SV2A: variants seen among roughly 807,000 people sequenced by gnomAD.
The protein encoded by SV2A is solute carrier family 22 member B1.
In SV2A, 25 loss-of-function variants were observed where a neutral mutation model predicts 78.0. The observed-to-expected ratio is 0.32, with a 90% CI of 0.23 to 0.45. The LOEUF is 0.45. Among genes scored for constraint, SV2A ranks in the 20% least tolerant of loss-of-function variants. The probability of loss-of-function intolerance (pLI) is 1.00; values close to 1 mark genes in which losing one functional copy is unlikely to be tolerated. For missense variants in SV2A, 752 were observed against 971.5 expected, an observed-to-expected ratio of 0.77 and a Z score of 3.00; for synonymous variants, 355 against 384.7, an observed-to-expected ratio of 0.92 and a Z score of 0.90.
intron 1 of SV2A, among the ~76,000 whole-genome samples, chr1:149,915,897 ACACACACACACACACG>A (rs1223154004): frequency 1.3e-5 from 2 of 151,754 alleles, no homozygotes; most frequent in African/African-American, 2.4e-5. Context: ...TAAAACACAC[ACACACACACACACACG>A]CACACACACA....
chr1:149,907,369 T>C (rs1250234911), intron 10 of SV2A, among the ~76,000 whole-genome samples: 1 of 152,162 alleles, frequency 6.6e-6, no homozygotes, highest in African/African-American at 2.4e-5. Flanking sequence ...AAATACCCCT[T>C]TTATTGATTG....
intron 8 of SV2A, 80 bp downstream of exon 8, chr1:149,909,112 A>T: frequency 7.4e-7 from 1 of 1,353,358 alleles, no homozygotes. Flanking sequence ...TGTCCCCTGC[A>T]TCTCCATTCT....
chr1:149,909,593 G>A, intron 6 of SV2A, 22 bp from the exon 7 acceptor site: 2 of 1,601,822 alleles, frequency 1.2e-6, no homozygotes, highest in Non-Finnish European at 1.7e-6. Context: ...AGAAGGGGTG[G>A]GCAGTCACAC....
Position 149,905,038 on chromosome 1 carries a change from C to A in SV2A, c.2205G>T (p.Glu735Asp), listed in dbSNP as rs1488275602. ...TTCACTGCAGCACCTGCCCCCGGGTCTCAGGCAGCTTCAGGGCCAGAGAGC... is the reference window on the plus strand; with the variant it reads ...TTCACTGCAGCACCTGCCCCCGGGTATCAGGCAGCTTCAGGGCCAGAGAGC... ...LGSSLALKLP[E>D]TRGQVLQ is the part of the protein sequence containing the mutation. Residue 735 changes from glutamate (E) to aspartate (D), a missense_variant, in exon 13 of 13, where the codon GAG (glutamate) becomes GAT (aspartate). Physicochemically the swap from Glu to Asp is conservative, Grantham distance 45. Around this residue, in one of 7 missense-constraint regions of SV2A, gnomAD observed 186 missense variants for 274.6 expected, o/e 0.68. Transcript: ENST00000369146. 1.2e-6 allele frequency: 2 copies of A among 1,612,292 alleles called. No individual in the cohort carries two copies. Among genetic ancestry groups the A allele is most frequent in the Non-Finnish European group, 1.7e-6 (2 of 1,179,374 alleles).
chr1:149,910,080 G>A lies in SV2A; in HGVS notation c.1090-190C>T, dbSNP rs2092465968. 6.6e-6 allele frequency among the ~76,000 whole-genome samples: 1 copy of A among 152,174 alleles called. No individual in the cohort carries two copies. The highest frequency in any genetic ancestry group is 2.1e-4 in the South Asian group (1 of 4,826). ...TGAAAGAGCCCCAAGCTGAGGTATAGCAAGACAATCAGACTTGGGCAAGAG... is the reference window on the plus strand; with the variant it reads ...TGAAAGAGCCCCAAGCTGAGGTATAACAAGACAATCAGACTTGGGCAAGAG... On this transcript the variant is annotated intron_variant, in intron 5 of 12. Coordinates refer to ENST00000369146, the MANE Select transcript of SV2A (RefSeq NM_014849.5). This position sits in a 1 kb window ranked among gnomAD's most constrained non-coding sequence, Gnocchi z 4.2.
Position 149,904,975 on chromosome 1 carries a change from C to G in SV2A, c.*39G>C. The G allele has an allele frequency of 6.4e-7, 1 of 1,568,450 alleles. No homozygotes were observed. The highest frequency in any genetic ancestry group is 1.2e-5 in the South Asian group (1 of 84,738). On this transcript the variant is annotated 3_prime_UTR_variant, in exon 13 of 13. Coordinates refer to ENST00000369146, the MANE Select transcript of SV2A (RefSeq NM_014849.5). ...AGGGGAAGGAAGGAGTTGTTGGTCT[C>G]ACAGTGTGCCTGCCAATCCCAAAGC...
At chr1:149,917,319 G>GGCA (rs1553764687) in intron 1 of SV2A, among the ~76,000 whole-genome samples, 4 of 150,434 alleles carry the variant, frequency 2.7e-5, no homozygotes, top group African/African-American at 1.0e-4. Context: ...TGCACACTGA[G>GGCA]GCAGCATCCA....
Position 149,904,957 on chromosome 1 carries a change from G to A in SV2A, c.*57C>T. ...CAGGATGGCAGGGCAGGGAGGGGAA[G>A]GAAGGAGTTGTTGGTCTCACAGTGT... On this transcript the variant is annotated 3_prime_UTR_variant, in exon 13 of 13. Coordinates refer to ENST00000369146, the MANE Select transcript of SV2A (RefSeq NM_014849.5). 2 of 1,521,366 alleles carry A rather than the reference G, an allele frequency of 1.3e-6. No homozygotes were observed. The highest frequency in any genetic ancestry group is 1.3e-5 in the South Asian group (1 of 78,868). The allele number at this position is 1,521,366 out of a possible 1,614,324, so 94.2% of individuals were successfully genotyped here.
intron 10 of SV2A, 156 bp from the exon 11 acceptor site, chr1:149,907,012 C>T (rs1468506721): frequency 8.2e-6 from 12 of 1,463,522 alleles, no homozygotes; most frequent in Non-Finnish European, 9.9e-6. Context: ...ATAACATCAC[C>T]ATGGGAACTA....
intron 3 of SV2A, 32 bp from the exon 4 acceptor site, chr1:149,911,009 A>C (rs1333373387): frequency 6.2e-7 from 1 of 1,604,412 alleles, no homozygotes; most frequent in South Asian, 1.1e-5. Context: ...CAGCATTAGC[A>C]AATGGCCATA....
chr1:149,915,805 G>A (rs2092509029), intron 1 of SV2A, among the ~76,000 whole-genome samples: 1 of 152,162 alleles, frequency 6.6e-6, no homozygotes, highest in African/African-American at 2.4e-5. Flanking sequence ...AGGAGCAGAG[G>A]AAGCAGGCCT....
Position 149,909,463 on chromosome 1 carries a change from GC to G in SV2A, c.1287del (p.Gln430ArgfsTer19). 1 of 1,609,274 alleles carries G rather than the reference GC, an allele frequency of 6.2e-7. No individual in the cohort carries two copies. Among genetic ancestry groups the G allele is most frequent in the Non-Finnish European group, 8.5e-7 (1 of 1,177,508 alleles). On this transcript the variant is annotated frameshift_variant, in exon 7 of 13. Coordinates refer to ENST00000369146, the MANE Select transcript of SV2A (RefSeq NM_014849.5). LOFTEE classifies it high-confidence loss of function. ...TCTACCACCCCGTCCACCATTACCT[GC>G]CCCCCTAGGCTCAAGGCCCGGACCC... ...RWGVRALSLGGQVWGNFLSCF... is the reference protein window; with the variant it reads ...RWGVRALSLGXQVWGNFLSCF...
Position 149,906,700 on chromosome 1 carries a change from T to C in SV2A, c.1835A>G (p.Asn612Ser). ...FLGTLAVLPG[N>S]IVSALLMDKI... ...GTCCATGAGCAGGGCAGACACGATATTCCCAGGAAGCACTGCCAGTGTCCC... is the reference window on the plus strand; with the variant it reads ...GTCCATGAGCAGGGCAGACACGATACTCCCAGGAAGCACTGCCAGTGTCCC... The change falls in exon 11 of 13, where the codon AAT becomes AGT. Residue 612 changes from asparagine (N) to serine (S), a missense_variant. Transcript: ENST00000369146. 6.2e-7 allele frequency: 1 copy of C among 1,614,202 alleles called. No homozygotes were observed. Among genetic ancestry groups the C allele is most frequent in the Non-Finnish European group, 8.5e-7 (1 of 1,180,034 alleles).
Position 149,913,995 on chromosome 1 carries a change from G to T in SV2A, c.-155C>A. ...CTGGGCACAAAAAAAAGAGCAAACA[G>T]GTCCTAGCCAATGAGTGCCTAGGAA... On this transcript the variant is annotated 5_prime_UTR_variant, in exon 2 of 13. The change creates a new upstream start codon in the 5' untranslated region. Transcript: ENST00000369146. 1 of 1,192,952 alleles carries T rather than the reference G, an allele frequency of 8.4e-7. No individual in the cohort carries two copies. Among genetic ancestry groups the T allele is most frequent in the South Asian group, 1.6e-5 (1 of 61,122 alleles). 73.9% of individuals were successfully genotyped at this position (1,192,952 alleles called of 1,614,324 possible).
At position 149,909,154 on chromosome 1, in the gene SV2A, C is replaced by G. The variant is rs782040597; in HGVS notation, c.1379+38G>C. The G allele has an allele frequency of 4.4e-6, 7 of 1,597,740 alleles. No homozygotes were observed. The East Asian group carries it at 1.6e-4, about 36-fold the overall frequency. The stretch of plus-strand genomic sequence containing the variant: ...CTCTCTCCCAGCCCACACACCACCA[C>G]AACCACCACACATCACCCAGCCCAC... On this transcript the variant is annotated intron_variant, in intron 8 of 12. Transcript: ENST00000369146.
chr1:149,913,096 C>T lies in SV2A; in HGVS notation c.622+123G>A, dbSNP rs1046361293. On this transcript the variant is annotated intron_variant, in intron 2 of 12. Coordinates refer to ENST00000369146, the MANE Select transcript of SV2A (RefSeq NM_014849.5). ...GAAGAGTGTGCAGAGGAACCCTGAG[C>T]CCTCTGGGAACATCTTGGGTGCAGG... The T allele has an allele frequency of 5.5e-6, 7 of 1,263,210 alleles. No individual in the cohort carries two copies. The East Asian group carries it at 1.6e-4, about 29-fold the overall frequency. 78.3% of individuals were successfully genotyped at this position (1,263,210 alleles called of 1,614,324 possible). A position where few individuals can be genotyped will look rare whatever the true frequency, so the allele number is the denominator to read the frequency against.
At position 149,907,718 on chromosome 1, in the gene SV2A, T is replaced by C. The variant is rs1384635337; in HGVS notation, c.1660A>G (p.Thr554Ala). 2.4e-5 allele frequency: 39 copies of C among 1,613,888 alleles called. No homozygotes were observed. The highest frequency in any genetic ancestry group is 3.1e-5 in the Non-Finnish European group (36 of 1,179,974). The change falls in exon 10 of 13, where the codon ACT becomes GCT. Residue 554 changes from threonine (T) to alanine (A), a missense_variant. This residue lies in a region of SV2A where 186 missense variants were observed against 274.6 expected (regional missense o/e 0.68). Transcript: ENST00000369146. ...TFFRNCTFIN[T>A]VFYNTDLFEY... ...GCCTTACCAGTGTTATAGAACACAG[T>C]GTTGATGAATGTGCAGTTGCGGAAA... is the stretch of plus-strand genomic sequence containing the variant.
intron 1 of SV2A, among the ~76,000 whole-genome samples, chr1:149,915,699 T>C (rs1317060598): frequency 2.6e-5 from 4 of 152,068 alleles, no homozygotes; most frequent in African/African-American, 4.8e-5. Flanking sequence ...AAACACCGCA[T>C]TGCGTAGGAG....
chr1:149,912,802 C>T (rs2092483805), intron 2 of SV2A, among the ~76,000 whole-genome samples: 1 of 150,328 alleles, frequency 6.7e-6, no homozygotes, highest in South Asian at 2.1e-4. Flanking sequence ...CCCCCAACCA[C>T]CCCAAACTGA....
Sources: gnomAD v4.1 joint callset for allele counts (sites outside exome capture counted in the v4.1 genomes callset) on GRCh38, gnomAD v4.1.1 for gene constraint, gnomAD v4.1.1 regional missense constraint, Gnocchi (gnomAD v3.1) non-coding constraint, MANE v1.5 for transcripts, NCBI Gene and HGNC (gene_info 2026-07-23, HGNC 2026-07-21) for gene names.